The following FBH1 variants were observed in gnomAD, a reference collection of about 807,000 sequenced individuals.
FBH1 encodes DNA 3'-5' helicase 1.
Under a neutral mutation model 115.5 loss-of-function variants are expected in FBH1, and 43 were observed. That is an observed-to-expected ratio of 0.37 (90% CI 0.29 to 0.48). FBH1 has a LOEUF of 0.48. Ranked by LOEUF, FBH1 falls within the 20% of genes least tolerant of loss-of-function variation. FBH1 has a pLI of 0.99. For synonymous variants in FBH1, 524 were observed against 507.8 expected (o/e 1.03, Z -0.43); for missense variants, 1,001 against 1,337.3 (o/e 0.75, Z 3.92).
In FBH1 at chr10:5,921,474, C is replaced by T; in HGVS notation, c.2227C>T (p.Gln743Ter). The T allele has an allele frequency of 6.2e-7, 1 of 1,602,346 alleles. No homozygotes were observed. The highest frequency in any genetic ancestry group is 8.5e-7 in the Non-Finnish European group (1 of 1,176,792). The change falls in exon 15 of 21, where the codon CAA becomes TAA. Residue 743 changes from glutamine (Q) to a stop codon, truncating the protein, a stop_gained. Coordinates refer to ENST00000362091, the MANE Select transcript of FBH1 (RefSeq NM_178150.3). LOFTEE classifies it high-confidence loss of function. The surrounding 1 kb of genome is among the most constrained non-coding windows in gnomAD (Gnocchi z 6.4). ...TGGCATTAGAGGTGACGCAAAGGGGCAAGTGGCCTTGTTGTCCCGGACCAA... is the reference window on the plus strand; with the variant it reads ...TGGCATTAGAGGTGACGCAAAGGGGTAAGTGGCCTTGTTGTCCCGGACCAA... ...QSGIRGDAKG[Q>*]VALLSRTNAN... is the part of the protein sequence containing the mutation.
Position 5,918,222 on chromosome 10 carries a change from A to T in FBH1, c.1964-120A>T. The T allele has an allele frequency of 8.3e-7, 1 of 1,209,842 alleles. No individual in the cohort carries two copies. The highest frequency in any genetic ancestry group is 1.2e-6 in the Non-Finnish European group (1 of 862,552). The allele number at this position is 1,209,842 out of a possible 1,614,324, so 74.9% of individuals were successfully genotyped here. On this transcript the variant is annotated intron_variant, in intron 12 of 20. Transcript: ENST00000362091. This position sits in a 1 kb window ranked among gnomAD's most constrained non-coding sequence, Gnocchi z 4.0. ...TGGAGTGTGCCTGTCCTACAGGAAA[A>T]GGCGACCGTGAGGTCCAGTGTGCCC...
In FBH1 at chr10:5,921,476, A is replaced by T; in HGVS notation, c.2229A>T (p.Gln743His). The T allele has an allele frequency of 6.2e-7, 1 of 1,602,868 alleles. No homozygotes were observed. Among genetic ancestry groups the T allele is most frequent in the Non-Finnish European group, 8.5e-7 (1 of 1,177,074 alleles). The stretch of plus-strand genomic sequence containing the variant: ...GCATTAGAGGTGACGCAAAGGGGCA[A>T]GTGGCCTTGTTGTCCCGGACCAACG... ...QSGIRGDAKG[Q>H]VALLSRTNAN... The change falls in exon 15 of 21, where the codon CAA becomes CAT. Residue 743 changes from glutamine to histidine, a missense_variant. This residue lies in a region of FBH1 where 521 missense variants were observed against 811.0 expected (regional missense o/e 0.64). Transcript: ENST00000362091. The surrounding 1 kb of genome is among the most constrained non-coding windows in gnomAD (Gnocchi z 6.4).
At chr10:5,919,288 C>G (rs990629599) in intron 13 of FBH1, among the ~76,000 whole-genome samples, 1 of 152,116 alleles carries the variant, frequency 6.6e-6, no homozygotes, top group Non-Finnish European at 1.5e-5. Flanking sequence ...GAGTTCAAGA[C>G]CAGCCTGGCC....
Position 5,910,435 on chromosome 10 carries a change from T to G in FBH1, c.1021-503T>G, listed in dbSNP as rs1723339467. ...TTAACTTACAATGAACAGTTATTAC[T>G]AATAATAAATAGCAAGTTAACACCG... On this transcript the variant is annotated intron_variant, in intron 5 of 20. Transcript: ENST00000362091. The surrounding 1 kb of genome is among the most constrained non-coding windows in gnomAD (Gnocchi z 4.8). Among the ~76,000 whole-genome samples the G allele has an allele frequency of 1.3e-5, 2 of 152,240 alleles. No individual in the cohort carries two copies. Among genetic ancestry groups the G allele is most frequent in the African/African-American group, 4.8e-5 (2 of 41,474 alleles).
chr10:5,912,779 A>G (rs1013680994), intron 6 of FBH1, among the ~76,000 whole-genome samples: 3 of 152,210 alleles, frequency 2.0e-5, no homozygotes, highest in African/African-American at 7.2e-5. Flanking sequence ...ACCTAACATT[A>G]ACTACTTCCT....
At position 5,910,518 on chromosome 10, in the gene FBH1, T is replaced by C. The variant is rs1352465670; in HGVS notation, c.1021-420T>C. 1.3e-5 allele frequency among the ~76,000 whole-genome samples: 2 copies of C among 152,166 alleles called. No individual in the cohort carries two copies. Among genetic ancestry groups the C allele is most frequent in the South Asian group, 4.1e-4 (2 of 4,828 alleles). On this transcript the variant is annotated intron_variant, in intron 5 of 20. Transcript: ENST00000362091. This position sits in a 1 kb window ranked among gnomAD's most constrained non-coding sequence, Gnocchi z 4.8. ...CCACAGCCTGCGTGCGGCCCTCTCCTGTGTCTGCGTCTCTCATGCCTCTTG... is the reference window on the plus strand; with the variant it reads ...CCACAGCCTGCGTGCGGCCCTCTCCCGTGTCTGCGTCTCTCATGCCTCTTG...
Position 5,903,162 on chromosome 10 carries a change from AAG to A in FBH1, c.147_148del (p.Gly50GlufsTer2), listed in dbSNP as rs982899363. On this transcript the variant is annotated frameshift_variant, in exon 2 of 21. Coordinates refer to ENST00000362091, the MANE Select transcript of FBH1 (RefSeq NM_178150.3). LOFTEE classifies it high-confidence loss of function. ...HGLYPKPRTKRGSRGQGSQRC... is the reference protein window; with the variant it reads ...HGLYPKPRTKXGSRGQGSQRC... ...GTCTCTATCCTAAACCGAGAACAAA[AAG>A]AGGGAGTAGGGGTATGTCTCCTCTA... is the stretch of plus-strand genomic sequence containing the variant. 1 of 1,611,420 alleles carries A rather than the reference AAG, an allele frequency of 6.2e-7. No homozygotes were observed. Among genetic ancestry groups the A allele is most frequent in the African/African-American group, 1.3e-5 (1 of 74,976 alleles).
intron 15 of FBH1, among the ~76,000 whole-genome samples, chr10:5,922,965 C>A (rs1296235700): frequency 6.6e-6 from 1 of 151,902 alleles, no homozygotes; most frequent in South Asian, 2.1e-4. Context: ...TTTGCTGTAA[C>A]CTCTGCCTCC....
In FBH1 at chr10:5,895,180, C is replaced by T. The variant is rs770334474; in HGVS notation, c.1+4834C>T. ...CCCACTTGCTGGTCTTCACAGAGCA[C>T]GCTGAAAGTAAGAGGCATGTGGGAA... On this transcript the variant is annotated intron_variant, in intron 1 of 20. Transcript: ENST00000362091. The surrounding 1 kb of genome is among the most constrained non-coding windows in gnomAD (Gnocchi z 5.0). The T allele has an allele frequency of 9.9e-6, 16 of 1,612,330 alleles. No individual in the cohort carries two copies. Among genetic ancestry groups the T allele is most frequent in the South Asian group, 4.4e-5 (4 of 90,946 alleles).
At chr10:5,908,272 A>G (rs626344) in intron 3 of FBH1, among the ~76,000 whole-genome samples, 68,728 of 152,050 alleles carry the variant, frequency 0.45, 16,298 homozygotes, top group East Asian at 0.68. Context: ...TTCGTCTCTT[A>G]TAACAGTATT....
intron 18 of FBH1, 148 bp from the exon 19 acceptor site, chr10:5,927,287 A>G: frequency 1.7e-6 from 1 of 573,446 alleles, no homozygotes. Flanking sequence ...TGGCATTTGT[A>G]GGAAAATTTT....
At position 5,916,372 on chromosome 10, in the gene FBH1, C is replaced by G; in HGVS notation, c.1704C>G (p.Asp568Glu). 6.2e-7 allele frequency: 1 copy of G among 1,614,238 alleles called. No individual in the cohort carries two copies. Among genetic ancestry groups the G allele is most frequent in the Non-Finnish European group, 8.5e-7 (1 of 1,180,038 alleles). Residue 568 changes from aspartate to glutamate, a missense_variant, in exon 10 of 21, where the codon GAC becomes GAG. Physicochemically the swap from Asp to Glu is conservative, Grantham distance 45. Around this residue, in one of 4 missense-constraint regions of FBH1, gnomAD observed 521 missense variants for 811.0 expected, o/e 0.64. Coordinates refer to ENST00000362091, the MANE Select transcript of FBH1 (RefSeq NM_178150.3). ...KTLENFFASA[D>E]EELTIDHVPI... ...TAGAAAACTTCTTTGCCTCGGCTGA[C>G]GAAGAGCTGACCATTGATCACGTGC...
Position 5,921,881 on chromosome 10 carries a change from G to A in FBH1, c.2322+312G>A, listed in dbSNP as rs1832336833. On this transcript the variant is annotated intron_variant, in intron 15 of 20. Transcript: ENST00000362091. This position sits in a 1 kb window ranked among gnomAD's most constrained non-coding sequence, Gnocchi z 6.4. The stretch of plus-strand genomic sequence containing the variant: ...CTGGAAGCTTTTCTAGTCATGTGTT[G>A]TCATTAGTGTGAGAACAGCTGAGCT... 6.6e-6 allele frequency among the ~76,000 whole-genome samples: 1 copy of A among 152,188 alleles called. No individual in the cohort carries two copies. The highest frequency in any genetic ancestry group is 2.4e-5 in the African/African-American group (1 of 41,440).
chr10:5,904,857 A>G (rs2131906073), intron 2 of FBH1, among the ~76,000 whole-genome samples: 1 of 152,312 alleles, frequency 6.6e-6, no homozygotes, highest in East Asian at 1.9e-4. Context: ...AATTTTACTA[A>G]TATAGAAAAA....
Position 5,921,226 on chromosome 10 carries a change from G to C in FBH1, c.2101-32G>C. On this transcript the variant is annotated intron_variant, in intron 13 of 20. Transcript: ENST00000362091. The surrounding 1 kb of genome is among the most constrained non-coding windows in gnomAD (Gnocchi z 6.4). ...AATGCACGGACACACCACAGGGCGG[G>C]CTGCTGACTCCCTCTGTCTTGTTGT... 6.2e-7 allele frequency: 1 copy of C among 1,602,580 alleles called. No homozygotes were observed. Among genetic ancestry groups the C allele is most frequent in the African/African-American group, 1.3e-5 (1 of 74,810 alleles).
Position 5,890,247 on chromosome 10 carries a change from C to A in FBH1, c.-99C>A. On this transcript the variant is annotated 5_prime_UTR_variant, in exon 1 of 21. Coordinates refer to ENST00000362091, the MANE Select transcript of FBH1 (RefSeq NM_178150.3). ...GGCGGGCGTCTCGGGCTCCAGGTCC[C>A]GGCCAGAGGAGGAGCTCGCTGCCGG... 1 of 362,234 alleles carries A rather than the reference C, an allele frequency of 2.8e-6. No individual in the cohort carries two copies. The highest frequency in any genetic ancestry group is 5.2e-6 in the Non-Finnish European group (1 of 193,128). 22.4% of individuals were successfully genotyped at this position (362,234 alleles called of 1,614,324 possible). A position where few individuals can be genotyped will look rare whatever the true frequency, so the allele number is the denominator to read the frequency against.
rs1831476201 is a variant in FBH1, at chr10:5,910,073, G to A, written c.1020+779G>A. On this transcript the variant is annotated intron_variant, in intron 5 of 20. Coordinates refer to ENST00000362091, the MANE Select transcript of FBH1 (RefSeq NM_178150.3). The surrounding 1 kb of genome is among the most constrained non-coding windows in gnomAD (Gnocchi z 4.8). ...AAGGCGGGTGGATCACCTGAGGTCA[G>A]GAGTTCGAGACCAGCCTGGCCAACA... Among the ~76,000 whole-genome samples the A allele has an allele frequency of 6.6e-6, 1 of 152,212 alleles. No individual in the cohort carries two copies. The highest frequency in any genetic ancestry group is 1.5e-5 in the Non-Finnish European group (1 of 68,032).
In FBH1 at chr10:5,921,174, C is replaced by T. The variant is rs372110514; in HGVS notation, c.2101-84C>T. 1.1e-4 allele frequency: 155 copies of T among 1,355,548 alleles called. No individual in the cohort carries two copies. The highest frequency in any genetic ancestry group is 1.1e-3 in the Middle Eastern group (6 of 5,294). The allele number at this position is 1,355,548 out of a possible 1,614,324, so 84.0% of individuals were successfully genotyped here. A position where few individuals can be genotyped will look rare whatever the true frequency, so the allele number is the denominator to read the frequency against. The stretch of plus-strand genomic sequence containing the variant: ...CAGGAACAACTTGTAGGGTCTGGCC[C>T]GGCCAGGCTGTGGCAGCAGTGATGG... On this transcript the variant is annotated intron_variant, in intron 13 of 20. Transcript: ENST00000362091. The surrounding 1 kb of genome is among the most constrained non-coding windows in gnomAD (Gnocchi z 6.4).
intron 1 of FBH1, among the ~76,000 whole-genome samples, chr10:5,892,235 A>G (rs1384233899): frequency 6.6e-6 from 1 of 152,104 alleles, no homozygotes; most frequent in Non-Finnish European, 1.5e-5. Flanking sequence ...TGTAGTCGTC[A>G]TTGGCACCGA....
Sources: allele counts gnomAD v4.1 joint callset (sites outside exome capture counted in the v4.1 genomes callset), GRCh38; gene constraint gnomAD v4.1.1; regional missense constraint gnomAD v4.1.1; non-coding constraint Gnocchi (gnomAD v3.1); transcripts MANE v1.5; gene names NCBI Gene and HGNC (gene_info 2026-07-23, HGNC 2026-07-21).